The following CFAP299 variants were observed in gnomAD, a reference collection of about 807,000 sequenced individuals.
CFAP299 encodes the protein cilia and flagella associated protein 299, also known as cilia- and flagella-associated protein 299.
A neutral mutation model predicts 27.0 loss-of-function variants in CFAP299; 21 were observed. That is an observed-to-expected ratio of 0.78 (90% confidence interval 0.55 to 1.12). The LOEUF (loss-of-function observed/expected upper bound fraction) is 1.12. Among genes scored for constraint, CFAP299 ranks in the 50% most tolerant of loss-of-function variants. The pLI is 0.00. For missense variants in CFAP299, 310 were observed against 276.6 expected (o/e 1.12, Z -0.86); for synonymous variants, 104 against 98.1 (o/e 1.06, Z -0.36).
chr4:80,467,293 A>G (rs1729754308), intron 2 of CFAP299, among the ~76,000 whole-genome samples: 1 of 152,228 alleles, frequency 6.6e-6, no homozygotes, highest in Non-Finnish European at 1.5e-5. Flanking sequence ...GGGCCTATTG[A>G]TGGTGATTGA....
chr4:80,685,613 T>A (rs75368226), intron 3 of CFAP299, among the ~76,000 whole-genome samples: 2,276 of 114,334 alleles, frequency 0.02, 49 homozygotes, highest in Admixed American at 0.087. Flanking sequence ...CACAGTGGAA[T>A]GGTTGTGTGT....
At chr4:80,815,085 A>G (rs574688837) in intron 3 of CFAP299, among the ~76,000 whole-genome samples, 63 of 152,122 alleles carry the variant, frequency 4.1e-4, no homozygotes, top group African/African-American at 1.3e-3. Context: ...CCCAAACTCA[A>G]CAAACAGAGC....
At chr4:80,927,045 T>G (rs888825432) in intron 4 of CFAP299, among the ~76,000 whole-genome samples, 1 of 152,070 alleles carries the variant, frequency 6.6e-6, no homozygotes, top group African/African-American at 2.4e-5. Flanking sequence ...TTTCCTTGGT[T>G]TAGCTCTTTG....
At chr4:80,541,718 C>T (rs983139903) in intron 2 of CFAP299, among the ~76,000 whole-genome samples, 2 of 152,120 alleles carry the variant, frequency 1.3e-5, no homozygotes, top group African/African-American at 2.4e-5. Context: ...GATATTCTTG[C>T]TCTCACTAGA....
intron 2 of CFAP299, among the ~76,000 whole-genome samples, chr4:80,379,366 T>C (rs1310701560): frequency 6.6e-6 from 1 of 151,990 alleles, no homozygotes; most frequent in African/African-American, 2.4e-5. Flanking sequence ...CATGAATTGT[T>C]TTCTCTACTA....
intron 3 of CFAP299, among the ~76,000 whole-genome samples, chr4:80,848,141 G>A (rs553470957): frequency 6.6e-6 from 1 of 152,010 alleles, no homozygotes; most frequent in South Asian, 2.1e-4. Context: ...CACCTGGGAG[G>A]TCGAGGCTGC....
intron 3 of CFAP299, among the ~76,000 whole-genome samples, chr4:80,678,639 C>G (rs1388981656): frequency 6.6e-6 from 1 of 152,018 alleles, no homozygotes; most frequent in Non-Finnish European, 1.5e-5. Context: ...TGCATCATGC[C>G]TATTTCCTGG....
chr4:80,598,895 C>T (rs946569802), intron 3 of CFAP299, among the ~76,000 whole-genome samples: 1 of 152,130 alleles, frequency 6.6e-6, no homozygotes, highest in Non-Finnish European at 1.5e-5. Flanking sequence ...AGGTAGGGTC[C>T]TAATGCTAGA....
intron 2 of CFAP299, 135 bp downstream of exon 2, chr4:80,363,019 C>A: frequency 1.0e-6 from 1 of 972,750 alleles, no homozygotes; most frequent in Non-Finnish European, 1.4e-6. Context: ...AGCATTTGTT[C>A]TGCAGATGAG....
intron 3 of CFAP299, among the ~76,000 whole-genome samples, chr4:80,838,869 A>G (rs1730711222): frequency 6.6e-6 from 1 of 152,146 alleles, no homozygotes; most frequent in African/African-American, 2.4e-5. Context: ...AGGAACTCTT[A>G]TCTGCTGATT....
At chr4:80,440,697 C>T (rs1188650502) in intron 2 of CFAP299, among the ~76,000 whole-genome samples, 1 of 152,084 alleles carries the variant, frequency 6.6e-6, no homozygotes, top group African/African-American at 2.4e-5. Context: ...CAAAACTGGA[C>T]AAAGAATGAA....
chr4:80,646,139 C>G (rs1039138128), intron 3 of CFAP299, among the ~76,000 whole-genome samples: 1 of 152,202 alleles, frequency 6.6e-6, no homozygotes, highest in South Asian at 2.1e-4. Context: ...AACTACCAAG[C>G]CACAACAGTG....
intron 2 of CFAP299, among the ~76,000 whole-genome samples, chr4:80,364,833 C>T (rs559825425): frequency 3.3e-5 from 5 of 152,282 alleles, no homozygotes; most frequent in South Asian, 4.1e-4. Flanking sequence ...ATTCAGCTCC[C>T]GCTTGGAGGT....
chr4:80,886,542 A>C (rs1267439899), intron 4 of CFAP299, among the ~76,000 whole-genome samples: 1 of 152,218 alleles, frequency 6.6e-6, no homozygotes, highest in Non-Finnish European at 1.5e-5. Context: ...GCCTGTAAAA[A>C]TCACAGCACG....
intron 3 of CFAP299, among the ~76,000 whole-genome samples, chr4:80,624,380 C>A (rs1258132237): frequency 1.3e-5 from 2 of 151,324 alleles, no homozygotes; most frequent in African/African-American, 4.9e-5. Context: ...ATGGCATCAA[C>A]AGCAGAAATG....
At chr4:80,645,437 T>C (rs1739958141) in intron 3 of CFAP299, among the ~76,000 whole-genome samples, 1 of 152,118 alleles carries the variant, frequency 6.6e-6, no homozygotes, top group Admixed American at 6.6e-5. Flanking sequence ...AAGTATCTGT[T>C]AATACTCTAC....
intron 3 of CFAP299, among the ~76,000 whole-genome samples, chr4:80,758,447 G>T (rs926226640): frequency 6.6e-6 from 1 of 152,088 alleles, no homozygotes; most frequent in Non-Finnish European, 1.5e-5. Flanking sequence ...GGCATAGGAT[G>T]GGGGGAAGGG....
intron 2 of CFAP299, among the ~76,000 whole-genome samples, chr4:80,475,050 A>T (rs1730206897): frequency 2.0e-5 from 3 of 152,144 alleles, no homozygotes; most frequent in Admixed American, 6.6e-5. Flanking sequence ...GAGTATCCAG[A>T]CAGAGGAAAT....
At chr4:80,585,227 T>C (rs1344087460) in intron 3 of CFAP299, among the ~76,000 whole-genome samples, 2 of 152,106 alleles carry the variant, frequency 1.3e-5, no homozygotes, top group African/African-American at 4.8e-5. Context: ...TGGAGATAGA[T>C]AGATGGTACT....
Sources: gnomAD v4.1 joint callset for allele counts (sites outside exome capture counted in the v4.1 genomes callset) on GRCh38, gnomAD v4.1.1 for gene constraint, MANE v1.5 for transcripts, NCBI Gene and HGNC (gene_info 2026-07-23, HGNC 2026-07-21) for gene names.